The following RPF2 variants were observed in gnomAD, a reference collection of about 807,000 sequenced individuals.
RPF2 encodes brix domain containing 1.
A neutral mutation model predicts 38.9 loss-of-function variants in RPF2; 21 were observed. The ratio of observed to expected loss-of-function variants is 0.54; its 90% CI spans 0.38 to 0.78. The LOEUF is 0.78. Ranked by LOEUF, RPF2 falls within the 30% of genes least tolerant of loss-of-function variation. The probability of loss-of-function intolerance (pLI) is 0.00; values close to 1 mark genes in which losing one functional copy is unlikely to be tolerated. For synonymous variants in RPF2, 121 were observed against 126.2 expected (o/e 0.96, Z 0.28); for missense variants, 314 against 358.1 (o/e 0.88, Z 0.99).
chr6:110,992,051 A>G (rs1434554035), intron 4 of RPF2, among the ~76,000 whole-genome samples: 2 of 152,204 alleles, frequency 1.3e-5, no homozygotes, highest in African/African-American at 2.4e-5. Context: ...TCACGCCTGT[A>G]ATCCTAGCAC....
At chr6:110,988,891 A>G (rs1771569603) in intron 2 of RPF2, 137 bp from the exon 3 acceptor site, 4 of 1,082,850 alleles carry the variant, frequency 3.7e-6, no homozygotes, top group Non-Finnish European at 5.2e-6. Flanking sequence ...AGTGATGAAA[A>G]GGGAGCCAGG....
rs760120348 is a variant in RPF2, at chr6:110,982,130, G to GTC, written c.23+2_23+3insCT. On this transcript the variant is annotated splice_donor_variant, in intron 1 of 9. Transcript: ENST00000441448. LOFTEE classifies it high-confidence loss of function. The stretch of plus-strand genomic sequence containing the variant: ...CGATGGACACTCTGGATCGAGTAGT[G>GTC]TAAGTGCGCTGGGTCTCAGCCCCGG... The GTC allele has an allele frequency of 6.2e-7, 1 of 1,614,220 alleles. No homozygotes were observed. The highest frequency in any genetic ancestry group is 1.3e-5 in the African/African-American group (1 of 75,068).
At chr6:110,982,548 C>T (rs1426523873) in intron 1 of RPF2, 3 of 197,534 alleles carry the variant, frequency 1.5e-5, no homozygotes, top group Non-Finnish European at 3.1e-5. Context: ...TAAAATAGCG[C>T]TCACCATAGT....
intron 7 of RPF2, among the ~76,000 whole-genome samples, chr6:111,011,407 C>T (rs1218238933): frequency 6.6e-6 from 1 of 151,640 alleles, no homozygotes; most frequent in Non-Finnish European, 1.5e-5. Context: ...CTTCCTTAGC[C>T]TCCTTAGTAC....
intron 2 of RPF2, among the ~76,000 whole-genome samples, chr6:110,986,229 CG>C (rs1771523665): frequency 6.6e-6 from 1 of 152,128 alleles, no homozygotes; most frequent in Non-Finnish European, 1.5e-5. Flanking sequence ...CTGAAAGCTC[CG>C]TGTAATCATT....
At chr6:111,015,097 A>C (rs1772083986) in intron 7 of RPF2, among the ~76,000 whole-genome samples, 1 of 152,222 alleles carries the variant, frequency 6.6e-6, no homozygotes, top group South Asian at 2.1e-4. Context: ...TTTTAAAAGG[A>C]AATTTTATGT....
In RPF2 at chr6:111,015,743, T is replaced by G; in HGVS notation, c.494-11T>G. On this transcript the variant is annotated splice_polypyrimidine_tract_variant and intron_variant, in intron 7 of 9. Coordinates refer to ENST00000441448, the MANE Select transcript of RPF2 (RefSeq NM_032194.3). ...GTTTTGTTTTGTTAATAATTTAATA[T>G]GTGCTTTTAGATTTCTTCAGAGGCC... 6.5e-7 allele frequency: 1 copy of G among 1,547,726 alleles called. No homozygotes were observed. Among genetic ancestry groups the G allele is most frequent in the Non-Finnish European group, 8.9e-7 (1 of 1,121,724 alleles).
chr6:110,997,883 T>C (rs149680606), intron 5 of RPF2, among the ~76,000 whole-genome samples: 203 of 151,326 alleles, frequency 1.3e-3, no homozygotes, highest in African/African-American at 4.7e-3. Context: ...TCTTCTCCCT[T>C]GATTTTTCTT....
intron 7 of RPF2, among the ~76,000 whole-genome samples, chr6:111,009,113 T>A (rs1380461660): frequency 6.6e-6 from 1 of 152,116 alleles, no homozygotes; most frequent in Non-Finnish European, 1.5e-5. Flanking sequence ...TAGAGTGCAG[T>A]GGCGCGATCT....
chr6:111,010,104 C>G (rs1483397060), intron 7 of RPF2, among the ~76,000 whole-genome samples: 1 of 150,682 alleles, frequency 6.6e-6, no homozygotes, highest in African/African-American at 2.4e-5. Context: ...GTCTGTCTCT[C>G]TGTCCCTCAA....
chr6:110,990,551 A>G lies in RPF2; in HGVS notation c.195-1196A>G, dbSNP rs573678221. On this transcript the variant is annotated intron_variant, in intron 3 of 9. Transcript: ENST00000441448. ...TGTTGCTTAAATTGTTCTGTTTGGC[A>G]ATTGGGAACCCCCCCCCCCCCCACC... Among the ~76,000 whole-genome samples, 228 of 139,438 alleles carry G rather than the reference A, an allele frequency of 1.6e-3. 2 individuals carry two copies. In the Middle Eastern group the frequency reaches 0.018, roughly 11 times the overall value. 91.5% of individuals were successfully genotyped at this position (139,438 alleles called of 152,430 possible). A position where few individuals can be genotyped will look rare whatever the true frequency, so the allele number is the denominator to read the frequency against.
intron 7 of RPF2, among the ~76,000 whole-genome samples, chr6:111,014,085 G>T (rs1377517884): frequency 2.3e-4 from 35 of 150,074 alleles, no homozygotes; most frequent in African/African-American, 8.1e-4. Context: ...GTATAAATGT[G>T]CCTGCCCACT....
chr6:110,982,041 C>G lies in RPF2; in HGVS notation c.-66C>G. The G allele has an allele frequency of 1.9e-6, 3 of 1,592,054 alleles. No individual in the cohort carries two copies. The highest frequency in any genetic ancestry group is 2.6e-6 in the Non-Finnish European group (3 of 1,160,146). ...CGCGCAGCTTCCGGTTCCGCCTGTT[C>G]CGGCGCACGTAATCGCCGAGGGCAC... is the stretch of plus-strand genomic sequence containing the variant. On this transcript the variant is annotated 5_prime_UTR_variant, in exon 1 of 10. Transcript: ENST00000441448.
intron 6 of RPF2, among the ~76,000 whole-genome samples, chr6:111,002,817 G>A (rs1321996880): frequency 6.6e-6 from 1 of 151,576 alleles, no homozygotes; most frequent in Non-Finnish European, 1.5e-5. Flanking sequence ...CGCCTAGGCA[G>A]GAGTACAGTG....
intron 1 of RPF2, among the ~76,000 whole-genome samples, chr6:110,982,765 T>C (rs1404069546): frequency 1.3e-5 from 2 of 152,234 alleles, no homozygotes; most frequent in Admixed American, 6.5e-5. Flanking sequence ...TCTTGCTATT[T>C]ACCTAAGTTA....
intron 1 of RPF2, among the ~76,000 whole-genome samples, chr6:110,983,466 G>A (rs544953532): frequency 7.2e-4 from 110 of 152,100 alleles, no homozygotes; most frequent in South Asian, 2.5e-3. Flanking sequence ...TCCTACCTCA[G>A]CCTGCTGAGT....
chr6:111,026,078 AAT>A lies in RPF2; in HGVS notation c.*502_*503del, dbSNP rs1168704030. ...TGAGATTTTAAGCTTTGTGGCTGAA[AAT>A]ATATAGATCTCTGAGAGGGATGTCT... On this transcript the variant is annotated 3_prime_UTR_variant, in exon 10 of 10. Coordinates refer to ENST00000441448, the MANE Select transcript of RPF2 (RefSeq NM_032194.3). 1 of 152,516 alleles carries A rather than the reference AAT, an allele frequency of 6.6e-6. No individual in the cohort carries two copies. The highest frequency in any genetic ancestry group is 1.9e-4 in the East Asian group (1 of 5,212). 9.4% of individuals were successfully genotyped at this position (152,516 alleles called of 1,614,324 possible).
intron 7 of RPF2, among the ~76,000 whole-genome samples, chr6:111,011,280 C>G (rs542999629): frequency 3.0e-3 from 241 of 81,286 alleles, no homozygotes; most frequent in African/African-American, 0.01. Context: ...GGGTATTTTT[C>G]TTTCTTTCTT....
chr6:111,017,202 C>T (rs1772133011), intron 8 of RPF2, among the ~76,000 whole-genome samples: 1 of 152,170 alleles, frequency 6.6e-6, no homozygotes, highest in Non-Finnish European at 1.5e-5. Context: ...TTGGGTACAC[C>T]TCCCAGACGG....
Sources: gnomAD v4.1 joint callset for allele counts (sites outside exome capture counted in the v4.1 genomes callset) on GRCh38, gnomAD v4.1.1 for gene constraint, MANE v1.5 for transcripts, NCBI Gene and HGNC (gene_info 2026-07-23, HGNC 2026-07-21) for gene names.